Variants in CFAP299 observed in about 807,000 individuals in gnomAD.
CFAP299 encodes the protein cilia- and flagella-associated protein 299.
A neutral mutation model predicts 27.0 loss-of-function variants in CFAP299; 21 were observed. The ratio of observed to expected loss-of-function variants is 0.78; its 90% CI spans 0.55 to 1.12. The LOEUF is 1.12. Among genes scored for constraint, CFAP299 ranks in the 50% most tolerant of loss-of-function variants. The probability of loss-of-function intolerance (pLI) is 0.00; values close to 1 mark genes in which losing one functional copy is unlikely to be tolerated. For synonymous variants in CFAP299, 104 were observed against 98.1 expected, an observed-to-expected ratio of 1.06 and a Z score of -0.36; for missense variants, 310 against 276.6, an observed-to-expected ratio of 1.12 and a Z score of -0.86.
chr4:80,436,871 G>C (rs1433853761), intron 2 of CFAP299, among the ~76,000 whole-genome samples: 2 of 152,078 alleles, frequency 1.3e-5, no homozygotes, highest in African/African-American at 4.8e-5. Context: ...TTGATATTTT[G>C]GGTCTCGTAA....
chr4:80,930,554 A>T (rs1003574537), intron 4 of CFAP299, among the ~76,000 whole-genome samples: 1 of 152,140 alleles, frequency 6.6e-6, no homozygotes, highest in Non-Finnish European at 1.5e-5. Flanking sequence ...TGTCAGAATT[A>T]AACTGAAATA....
intron 2 of CFAP299, among the ~76,000 whole-genome samples, chr4:80,544,869 A>G (rs1003849280): frequency 6.6e-6 from 1 of 152,156 alleles, no homozygotes; most frequent in African/African-American, 2.4e-5. Context: ...TGGACCTCCT[A>G]AACATCTATA....
At chr4:80,617,541 G>A (rs1242367485) in intron 3 of CFAP299, among the ~76,000 whole-genome samples, 6 of 152,114 alleles carry the variant, frequency 3.9e-5, no homozygotes, top group African/African-American at 2.4e-5. Flanking sequence ...GGATCAAGAG[G>A]TCTGTAGTCT....
chr4:80,552,252 A>G (rs1734559525), intron 2 of CFAP299, among the ~76,000 whole-genome samples: 1 of 152,222 alleles, frequency 6.6e-6, no homozygotes, highest in Admixed American at 6.5e-5. Context: ...TGGGAAACAT[A>G]GTACTAATCA....
chr4:80,866,546 G>C (rs565635126), intron 3 of CFAP299, among the ~76,000 whole-genome samples: 8 of 152,150 alleles, frequency 5.3e-5, no homozygotes, highest in African/African-American at 1.9e-4. Context: ...GTTTTGCTTT[G>C]TTTTTGGTAG....
rs897332695 is a variant in CFAP299 at position 80,723,999 on chromosome 4, GAA to G, written c.333+140819_333+140820del. Among the ~76,000 whole-genome samples the G allele has an allele frequency of 4.1e-4, 63 of 152,110 alleles. 1 individual carries two copies. Among genetic ancestry groups the G allele is most frequent in the African/African-American group, 1.4e-3 (59 of 41,528 alleles). On this transcript the variant is annotated intron_variant, in intron 3 of 5. Transcript: ENST00000358105. The stretch of plus-strand genomic sequence containing the variant: ...ATAAGGGGAATAACAATTAAAACAT[GAA>G]AATTGTACTTCACAATAAATTCCAG...
intron 2 of CFAP299, among the ~76,000 whole-genome samples, chr4:80,422,302 TG>T (rs1727321655): frequency 1.3e-5 from 2 of 152,114 alleles, no homozygotes; most frequent in African/African-American, 4.8e-5. Flanking sequence ...AGCAGACCTC[TG>T]TAGTTTATAA....
upstream of CFAP299, among the ~76,000 whole-genome samples, chr4:80,335,486 CTTT>C (rs1484787913): frequency 2.0e-5 from 3 of 152,146 alleles, no homozygotes; most frequent in Non-Finnish European, 4.4e-5. Flanking sequence ...CAGTGTCATA[CTTT>C]TTAACTTTGG....
At chr4:80,415,580 T>C (rs1406182364) in intron 2 of CFAP299, among the ~76,000 whole-genome samples, 1 of 152,162 alleles carries the variant, frequency 6.6e-6, no homozygotes, top group Non-Finnish European at 1.5e-5. Context: ...GAAATACTGG[T>C]TTACTTTGAA....
intron 3 of CFAP299, among the ~76,000 whole-genome samples, chr4:80,700,077 A>G (rs1721376600): frequency 6.6e-6 from 1 of 152,126 alleles, no homozygotes; most frequent in Non-Finnish European, 1.5e-5. Context: ...GTACTAACCC[A>G]ATAAAGGAAG....
At chr4:80,876,575 C>T (rs1733390557) in intron 4 of CFAP299, among the ~76,000 whole-genome samples, 1 of 152,088 alleles carries the variant, frequency 6.6e-6, no homozygotes, top group South Asian at 2.1e-4. Context: ...TAATAATGGA[C>T]TAATACAAGA....
chr4:80,771,507 A>ACTGAGTAT (rs11281640), intron 3 of CFAP299, among the ~76,000 whole-genome samples: 150,584 of 152,198 alleles, frequency 0.99, 74,506 homozygotes, highest in Middle Eastern at 1. Context: ...TATGCATATT[A>ACTGAGTAT]CTTCTCAGAT....
At chr4:80,591,104 A>ATTTTTTTTTTTTTTTTTTTTTTTTTTTTT (rs1339201630) in intron 3 of CFAP299, among the ~76,000 whole-genome samples, 2 of 116,536 alleles carry the variant, frequency 1.7e-5, no homozygotes, top group Non-Finnish European at 1.7e-5. Flanking sequence ...TACTTTAGGA[A>ATTTTTTTTTTTTTTTTTTTTTTTTTTTTT]ATTTTTTTTT....
At chr4:80,749,019 T>A (rs898648057) in intron 3 of CFAP299, among the ~76,000 whole-genome samples, 1 of 152,174 alleles carries the variant, frequency 6.6e-6, no homozygotes, top group East Asian at 1.9e-4. Context: ...GTGTGATAGG[T>A]TTTTTTCTCT....
intron 4 of CFAP299, 66 bp downstream of exon 4, chr4:80,870,201 A>C: frequency 6.7e-7 from 1 of 1,497,578 alleles, no homozygotes; most frequent in Non-Finnish European, 8.9e-7. Context: ...TATGGTCTAC[A>C]TTGTGCCTAA....
intron 2 of CFAP299, among the ~76,000 whole-genome samples, chr4:80,395,479 C>A (rs1227649354): frequency 6.6e-6 from 1 of 151,930 alleles, no homozygotes. Context: ...TTTTCTTATT[C>A]CTGATATTAG....
intron 3 of CFAP299, among the ~76,000 whole-genome samples, chr4:80,672,471 T>A (rs1560690157): frequency 1.3e-5 from 2 of 152,222 alleles, no homozygotes; most frequent in South Asian, 4.1e-4. Flanking sequence ...TTCTCTTTTT[T>A]TGTTGTGTCT....
chr4:80,892,953 T>G (rs1374802906), intron 4 of CFAP299, among the ~76,000 whole-genome samples: 1 of 151,960 alleles, frequency 6.6e-6, no homozygotes, highest in Non-Finnish European at 1.5e-5. Context: ...TATTTGCAGA[T>G]GACATAATCT....
intron 4 of CFAP299, among the ~76,000 whole-genome samples, chr4:80,928,879 G>A (rs368675121): frequency 4.0e-5 from 6 of 151,758 alleles, no homozygotes; most frequent in African/African-American, 7.3e-5. Flanking sequence ...CTCATATTCC[G>A]TTCTGTCCTC....
Sources: gnomAD v4.1 joint callset for allele counts (sites outside exome capture counted in the v4.1 genomes callset) on GRCh38, gnomAD v4.1.1 for gene constraint, MANE v1.5 for transcripts, NCBI Gene and HGNC (gene_info 2026-07-23, HGNC 2026-07-21) for gene names.